STK3: variants seen among roughly 807,000 people sequenced by gnomAD.
STK3 encodes the protein serine/threonine kinase 3, also known as serine/threonine-protein kinase 3.
In STK3, 41 loss-of-function variants were observed where a neutral mutation model predicts 58.0. That is an observed-to-expected ratio of 0.71 (90% confidence interval 0.55 to 0.92). STK3 has a LOEUF of 0.92. Ranked by LOEUF, STK3 falls within the 40% of genes least tolerant of loss-of-function variation. The pLI is 0.00. For missense variants in STK3, 479 were observed against 602.7 expected (o/e 0.79, Z 2.15); for synonymous variants, 170 against 191.0 (o/e 0.89, Z 0.91).
At chr8:98,934,412 G>A (rs1840121008) in intron 1 of STK3, among the ~76,000 whole-genome samples, 1 of 152,100 alleles carries the variant, frequency 6.6e-6, no homozygotes, top group Admixed American at 6.6e-5. Context: ...CACCTTCTTT[G>A]TTCACACCTC....
chr8:98,737,910 G>A (rs146869442), intron 4 of STK3, among the ~76,000 whole-genome samples: 1,926 of 152,036 alleles, frequency 0.013, 25 homozygotes, highest in African/African-American at 0.017. Context: ...GAGTTTTGCC[G>A]TGTTGGCCAG....
At position 98,847,617 on chromosome 8, in the gene STK3, T is replaced by G. The variant is rs1238353055; in HGVS notation, c.110+36030A>C. On this transcript the variant is annotated intron_variant, in intron 3 of 12. Transcript: ENST00000523601. ...TTAGTAGCAGAATTACTGTCACCTTTGTAGTGCTGAGAAGTAACAGCAGGA... is the reference window on the plus strand; with the variant it reads ...TTAGTAGCAGAATTACTGTCACCTTGGTAGTGCTGAGAAGTAACAGCAGGA... Among the ~76,000 whole-genome samples, 5 of 152,158 alleles carry G rather than the reference T, an allele frequency of 3.3e-5. No individual in the cohort carries two copies. In the East Asian group the frequency reaches 9.6e-4, roughly 29 times the overall value.
intron 1 of STK3, among the ~76,000 whole-genome samples, chr8:98,894,393 T>A (rs1329209768): frequency 1.3e-5 from 2 of 152,170 alleles, no homozygotes; most frequent in Non-Finnish European, 2.9e-5. Context: ...TTCCAGTACA[T>A]CATTAATCTC....
At chr8:98,795,771 C>T (rs1384531348) in intron 1 of STK3, among the ~76,000 whole-genome samples, 2 of 151,722 alleles carry the variant, frequency 1.3e-5, no homozygotes, top group Non-Finnish European at 2.9e-5. Context: ...AAGTCAAGAA[C>T]ACGATCCCAT....
intron 3 of STK3, among the ~76,000 whole-genome samples, chr8:98,862,991 A>G (rs913446381): frequency 2.6e-5 from 4 of 152,212 alleles, no homozygotes; most frequent in Non-Finnish European, 5.9e-5. Context: ...CCTTGGAAAT[A>G]TGTTAAGTGG....
chr8:98,387,166 C>T (rs1817799651), intron 1 of STK3, among the ~76,000 whole-genome samples: 1 of 151,912 alleles, frequency 6.6e-6, no homozygotes. Flanking sequence ...TAAGATATGA[C>T]ATAAAGATTA....
intron 6 of STK3, among the ~76,000 whole-genome samples, chr8:98,609,086 C>T (rs555846109): frequency 6.6e-6 from 1 of 152,130 alleles, no homozygotes; most frequent in East Asian, 1.9e-4. Context: ...AGAAAATACA[C>T]AACCACAACC....
chr8:98,927,743 C>T (rs1372765027), intron 1 of STK3, among the ~76,000 whole-genome samples: 3 of 152,314 alleles, frequency 2.0e-5, no homozygotes, highest in East Asian at 1.9e-4. Flanking sequence ...CACTTCCCTG[C>T]TCTAGGATTG....
intron 10 of STK3, among the ~76,000 whole-genome samples, chr8:98,522,539 T>C (rs1194571557): frequency 2.0e-5 from 3 of 152,196 alleles, no homozygotes; most frequent in Non-Finnish European, 2.9e-5. Context: ...TCTTCTCTTA[T>C]GCATTTTTTA....
At chr8:98,650,628 T>G (rs1435786094) in intron 6 of STK3, among the ~76,000 whole-genome samples, 2 of 152,192 alleles carry the variant, frequency 1.3e-5, no homozygotes, top group Admixed American at 6.5e-5. Flanking sequence ...AGCGGGTCAC[T>G]CCCACCCTAA....
chr8:98,474,516 T>A (rs1205398224), intron 10 of STK3, among the ~76,000 whole-genome samples: 1 of 152,086 alleles, frequency 6.6e-6, no homozygotes, highest in Non-Finnish European at 1.5e-5. Flanking sequence ...GAATTGGGAG[T>A]AAAATCGTCC....
chr8:98,367,772 GA>G (rs771399347), downstream of STK3, among the ~76,000 whole-genome samples: 4 of 152,244 alleles, frequency 2.6e-5, no homozygotes, highest in Non-Finnish European at 5.9e-5. Context: ...TGGCTAATGG[GA>G]AGCACATTGA....
intron 3 of STK3, among the ~76,000 whole-genome samples, chr8:98,420,187 ATCTCTTGCTGTCCC>A: frequency 6.6e-6 from 1 of 152,102 alleles, no homozygotes; most frequent in East Asian, 1.9e-4. Flanking sequence ...GCATGGTGAA[ATCTCTTGCTGTCCC>A]ATCCAGGACA....
intron 6 of STK3, among the ~76,000 whole-genome samples, chr8:98,699,562 G>A (rs1825351001): frequency 6.6e-6 from 1 of 152,172 alleles, no homozygotes; most frequent in Non-Finnish European, 1.5e-5. Context: ...CTTTCTGTTT[G>A]TTAGTTTTCC....
At chr8:98,575,899 G>T (rs1177515852) in intron 8 of STK3, among the ~76,000 whole-genome samples, 1 of 152,116 alleles carries the variant, frequency 6.6e-6, no homozygotes, top group African/African-American at 2.4e-5. Context: ...TAATTTTGAT[G>T]AAGTTCAGTT....
intron 1 of STK3, among the ~76,000 whole-genome samples, chr8:98,382,570 G>A (rs1027884591): frequency 2.7e-5 from 4 of 150,434 alleles, no homozygotes; most frequent in Non-Finnish European, 4.4e-5. Flanking sequence ...TTGGAGGCGG[G>A]GGGAGCCTGC....
intron 1 of STK3, among the ~76,000 whole-genome samples, chr8:98,824,520 A>AACTT (rs746645407): frequency 1.2e-4 from 18 of 152,246 alleles, no homozygotes; most frequent in Non-Finnish European, 1.9e-4. Context: ...GAATGCAGGT[A>AACTT]ACTTACAAAA....
At chr8:98,435,422 T>G (rs568179222) in intron 2 of STK3, among the ~76,000 whole-genome samples, 1 of 152,212 alleles carries the variant, frequency 6.6e-6, no homozygotes, top group East Asian at 1.9e-4. Flanking sequence ...GAGCCTGAGC[T>G]TCATTCTTTT....
chr8:98,435,305 A>T (rs982520225), intron 2 of STK3, among the ~76,000 whole-genome samples: 3 of 152,350 alleles, frequency 2.0e-5, no homozygotes, highest in Admixed American at 6.5e-5. Context: ...GGACCTGCAT[A>T]GGCAGAGAGA....
Sources: allele counts gnomAD v4.1 joint callset (sites outside exome capture counted in the v4.1 genomes callset), GRCh38; gene constraint gnomAD v4.1.1; transcripts MANE v1.5; gene names NCBI Gene and HGNC (gene_info 2026-07-23, HGNC 2026-07-21).